The following PUDP variants were observed in gnomAD, a reference collection of about 807,000 sequenced individuals.
The protein encoded by PUDP is pseudouridine-5'-phosphatase.
Under a neutral mutation model 9.4 loss-of-function variants are expected in PUDP, and 8 were observed. The observed-to-expected ratio is 0.85, with a 90% CI of 0.50 to 1.53. The LOEUF (loss-of-function observed/expected upper bound fraction) is 1.53, where lower values mean the gene tolerates loss of function less well. Ranked by LOEUF, PUDP falls within the 40% of genes most tolerant of loss-of-function variation. The pLI, the probability that PUDP is intolerant of heterozygous loss-of-function variation, is 0.00. For synonymous variants in PUDP, 99 were observed against 80.7 expected, an observed-to-expected ratio of 1.23 and a Z score of -1.22; for missense variants, 188 against 189.7, an observed-to-expected ratio of 0.99 and a Z score of 0.05.
At chrX:6,947,775 A>AAAATAAATAAATAAAT (rs200121266) in intron 3 of PUDP, among the ~76,000 whole-genome samples, 1 of 96,887 alleles carries the variant, frequency 1.0e-5, no homozygotes, top group Non-Finnish European at 2.0e-5. Context: ...CCCTGTCTCA[A>AAAATAAATAAATAAAT]AAATAAATAA....
rs1928076873 is a variant in PUDP, at chrX:6,924,806, G to A, written c.*247+52327C>T. Among the ~76,000 whole-genome samples, 5 of 112,628 alleles carry A rather than the reference G, an allele frequency of 4.4e-5. No homozygotes were observed. The South Asian group carries it at 1.5e-3, about 33-fold the overall frequency. The stretch of plus-strand genomic sequence containing the variant: ...AAAAAACAATGCGTTATTTAAATAT[G>A]AACTAGAGCTATGCAATGTGCCTGA... On this transcript the variant is annotated intron_variant and NMD_transcript_variant, in intron 3 of 3. Transcript: ENST00000655425.
intron 3 of PUDP, among the ~76,000 whole-genome samples, chrX:6,817,754 C>T (rs1926275351): frequency 9.0e-6 from 1 of 111,332 alleles, no homozygotes; most frequent in Non-Finnish European, 1.9e-5. Flanking sequence ...AGCAGGAAGC[C>T]CAGGTCTGCA....
intron 1 of PUDP, among the ~76,000 whole-genome samples, chrX:7,146,804 G>A (rs1358981853): frequency 9.4e-5 from 10 of 106,258 alleles, no homozygotes; most frequent in Non-Finnish European, 1.7e-4. Flanking sequence ...TGTGACCTTG[G>A]GCAAGTAGCT....
intron 1 of PUDP, among the ~76,000 whole-genome samples, chrX:7,027,460 A>ATG (rs759600811): frequency 0.052 from 5,420 of 105,210 alleles, 256 homozygotes; most frequent in East Asian, 0.26. Flanking sequence ...ATACATATAT[A>ATG]TGTGTGTGTG....
chrX:6,814,807 A>T (rs1300423967), intron 3 of PUDP, among the ~76,000 whole-genome samples: 1 of 111,681 alleles, frequency 9.0e-6, no homozygotes, highest in Non-Finnish European at 1.9e-5. Context: ...CTTTTTAAAA[A>T]TTTTCAGCAC....
intron 1 of PUDP, among the ~76,000 whole-genome samples, chrX:6,986,925 C>T (rs1305703971): frequency 8.9e-6 from 1 of 112,304 alleles, no homozygotes; most frequent in Non-Finnish European, 1.9e-5. Flanking sequence ...AATCTCAGAC[C>T]TGTTAAGTTG....
In PUDP at chrX:7,148,104, G is replaced by GCGCCGCCATGGTGGCGC; in HGVS notation, c.-8_9dup (p.Pro4AlafsTer48). On this transcript the variant is annotated frameshift_variant, in exon 1 of 4. Coordinates refer to ENST00000381077, the MANE Select transcript of PUDP (RefSeq NM_012080.5). LOFTEE classifies it high-confidence loss of function. ...ATGAGGTGGGTGACGGGCTGCGGGGGCGCCGCCATGGTGGCGCCTTCTGGG... is the reference window on the plus strand; with the variant it reads ...ATGAGGTGGGTGACGGGCTGCGGGGGCGCCGCCATGGTGGCGCCGCCGCCATGGTGGCGCCTTCTGGG... The GCGCCGCCATGGTGGCGC allele has an allele frequency of 8.8e-7, 1 of 1,131,955 alleles. No homozygotes were observed. The highest frequency in any genetic ancestry group is 1.2e-6 in the Non-Finnish European group (1 of 853,557). The allele number at this position is 1,131,955 out of a possible 1,213,427, so 93.3% of individuals were successfully genotyped here.
chrX:6,908,073 C>G (rs1927794916), intron 3 of PUDP, among the ~76,000 whole-genome samples: 1 of 112,280 alleles, frequency 8.9e-6, no homozygotes, highest in Non-Finnish European at 1.9e-5. Flanking sequence ...TTGGGGCAAA[C>G]AGCCACTAAA....
chrX:7,092,094 C>T (rs1931438109), intron 2 of PUDP, among the ~76,000 whole-genome samples: 2 of 112,931 alleles, frequency 1.8e-5, no homozygotes, highest in African/African-American at 6.4e-5. Flanking sequence ...TAATGGCCTA[C>T]AAGGCCAGGG....
At chrX:6,871,713 T>C (rs1399483165) in intron 3 of PUDP, among the ~76,000 whole-genome samples, 3 of 110,780 alleles carry the variant, frequency 2.7e-5, no homozygotes, top group Non-Finnish European at 1.9e-5. Flanking sequence ...TCCTTGGATA[T>C]GAGATTTTCA....
At chrX:7,141,425 G>C (rs1488093687) in intron 1 of PUDP, among the ~76,000 whole-genome samples, 1 of 113,059 alleles carries the variant, frequency 8.8e-6, no homozygotes, top group Admixed American at 9.3e-5. Context: ...GCCTAACCTA[G>C]AGCAAGGCTC....
At chrX:6,886,057 C>T in intron 3 of PUDP, among the ~76,000 whole-genome samples, 1 of 112,100 alleles carries the variant, frequency 8.9e-6, no homozygotes, top group Non-Finnish European at 1.9e-5. Context: ...TGTTGTATTG[C>T]TATCACGGTT....
intron 3 of PUDP, among the ~76,000 whole-genome samples, chrX:6,816,486 T>C (rs1309547818): frequency 9.7e-6 from 1 of 103,120 alleles, no homozygotes; most frequent in Admixed American, 1.1e-4. Context: ...TATGGTATAC[T>C]ATATACTATA....
chrX:7,034,244 T>C (rs2146827737), intron 1 of PUDP, among the ~76,000 whole-genome samples: 1 of 112,005 alleles, frequency 8.9e-6, no homozygotes, highest in South Asian at 3.7e-4. Context: ...GCTATGTCCA[T>C]GTTGATTCAG....
At chrX:6,947,791 TA>T in intron 3 of PUDP, among the ~76,000 whole-genome samples, 1 of 107,026 alleles carries the variant, frequency 9.3e-6, no homozygotes, top group East Asian at 2.9e-4. Flanking sequence ...AATAAATAAA[TA>T]AATAAATAAA....
rs1323362658 is a variant in PUDP at position 7,125,265 on chromosome X, T to C, written c.62-19427A>G. 2.7e-5 allele frequency among the ~76,000 whole-genome samples: 3 copies of C among 111,780 alleles called. No individual in the cohort carries two copies. In the East Asian group the frequency reaches 8.4e-4, roughly 31 times the overall value. On this transcript the variant is annotated intron_variant, in intron 1 of 3. Transcript: ENST00000381077. The stretch of plus-strand genomic sequence containing the variant: ...GTATAAATACTATTAATCATTTTTT[T>C]TCCCATTTCCTATTGATGCACCATG...
chrX:7,148,038 C>T lies in PUDP; in HGVS notation c.61+15G>A, dbSNP rs1932914445. The T allele has an allele frequency of 1.8e-6, 2 of 1,132,109 alleles. No homozygotes were observed. Among genetic ancestry groups the T allele is most frequent in the Non-Finnish European group, 1.2e-6 (1 of 851,884 alleles). The allele number at this position is 1,132,109 out of a possible 1,213,427, so 93.3% of individuals were successfully genotyped here. A position where few individuals can be genotyped will look rare whatever the true frequency, so the allele number is the denominator to read the frequency against. On this transcript the variant is annotated intron_variant, in intron 1 of 3. Coordinates refer to ENST00000381077, the MANE Select transcript of PUDP (RefSeq NM_012080.5). ...AGACCGCCCTTACTGGAGGCGGCGGCTGCACACTACCCACCCAGAAGAAGT... is the reference window on the plus strand; with the variant it reads ...AGACCGCCCTTACTGGAGGCGGCGGTTGCACACTACCCACCCAGAAGAAGT...
Position 7,027,516 on chromosome X carries a change from AAT to A in PUDP, c.205-49175_205-49174del, listed in dbSNP as rs1197941758. Among the ~76,000 whole-genome samples the A allele has an allele frequency of 7.7e-5, 8 of 104,298 alleles. No individual in the cohort carries two copies. The South Asian group carries it at 1.2e-3, about 16-fold the overall frequency. 90.6% of individuals were successfully genotyped at this position (104,298 alleles called of 115,157 possible). Reference sequence around the variant, plus strand: ...TACACATATATGAGAATATAGAGAGAATATATATATATTCACACATATATGTG... The same window carrying A: ...TACACATATATGAGAATATAGAGAGAATATATATATTCACACATATATGTG... On this transcript the variant is annotated intron_variant and NMD_transcript_variant, in intron 1 of 3. Coordinates refer to the PUDP transcript ENST00000655425.
intron 3 of PUDP, chrX:7,057,611 T>G: frequency 9.1e-7 from 1 of 1,098,827 alleles, no homozygotes; most frequent in Non-Finnish European, 1.2e-6. Context: ...GAAGGAGAGG[T>G]AGCTTTTGTG....
Sources: allele counts gnomAD v4.1 joint callset (sites outside exome capture counted in the v4.1 genomes callset), GRCh38; gene constraint gnomAD v4.1.1; transcripts MANE v1.5; gene names NCBI Gene and HGNC (gene_info 2026-07-23, HGNC 2026-07-21).